The following PCDHA10 variants were observed in gnomAD, a reference collection of about 807,000 sequenced individuals.
PCDHA10 encodes the protein protocadherin alpha-10.
In PCDHA10, 45 loss-of-function variants were observed where a neutral mutation model predicts 61.2. The ratio of observed to expected loss-of-function variants is 0.74; its 90% CI spans 0.58 to 0.94. The LOEUF (loss-of-function observed/expected upper bound fraction) is 0.94. Among genes scored for constraint, PCDHA10 ranks in the 40% least tolerant of loss-of-function variants. The pLI, the probability that PCDHA10 is intolerant of heterozygous loss-of-function variation, is 0.00. For synonymous variants in PCDHA10, 602 were observed against 548.8 expected (o/e 1.10, Z -1.35); for missense variants, 1,278 against 1,236.2 (o/e 1.03, Z -0.51).
intron 1 of PCDHA10, among the ~76,000 whole-genome samples, chr5:140,918,322 A>G (rs538027862): frequency 1.1e-4 from 16 of 152,220 alleles, no homozygotes; most frequent in African/African-American, 2.6e-4. Context: ...GTATAAAATT[A>G]TATTGTCTGC....
intron 1 of PCDHA10, chr5:140,869,294 T>C: frequency 1.9e-6 from 3 of 1,613,634 alleles, no homozygotes; most frequent in Non-Finnish European, 1.7e-6. Flanking sequence ...CAGCGCCTGT[T>C]CCGGGTGGCG....
At chr5:140,948,727 T>C (rs2094298087) in intron 1 of PCDHA10, among the ~76,000 whole-genome samples, 2 of 151,670 alleles carry the variant, frequency 1.3e-5, no homozygotes, top group Admixed American at 1.3e-4. Flanking sequence ...TATCAATAAG[T>C]CTAGCTGAGA....
At chr5:140,869,099 A>G in intron 1 of PCDHA10, 1 of 1,596,446 alleles carries the variant, frequency 6.3e-7, no homozygotes, top group African/African-American at 1.3e-5. Flanking sequence ...CCAATTTCGT[A>G]TGCGATGTTT....
intron 1 of PCDHA10, among the ~76,000 whole-genome samples, chr5:140,960,004 A>C (rs2095521827): frequency 6.6e-6 from 1 of 152,216 alleles, no homozygotes; most frequent in Non-Finnish European, 1.5e-5. Context: ...ATACAAATCT[A>C]TTTTGCATCA....
rs782609302 is a variant in PCDHA10 at position 140,875,595 on chromosome 5, C to T, written c.2388+17159C>T. The T allele has an allele frequency of 6.2e-6, 10 of 1,613,842 alleles. No individual in the cohort carries two copies. The African/African-American group carries it at 8.0e-5, about 13-fold the overall frequency. ...ACTCCGTCTACGAGGAGGCCAAACA[C>T]GGCACCTTCGTGGGCCGCATCGCTC... On this transcript the variant is annotated intron_variant, in intron 1 of 3. Transcript: ENST00000307360.
chr5:140,915,488 C>T (rs2077146969), intron 1 of PCDHA10, among the ~76,000 whole-genome samples: 1 of 152,126 alleles, frequency 6.6e-6, no homozygotes, highest in Non-Finnish European at 1.5e-5. Flanking sequence ...GGGCCTCAAT[C>T]CCAATAATAC....
chr5:140,871,524 G>A (rs1554165700), intron 1 of PCDHA10: 3 of 1,546,672 alleles, frequency 1.9e-6, no homozygotes, highest in Middle Eastern at 1.7e-4. Flanking sequence ...CACCTATCAG[G>A]AAGTGTATGT....
At position 140,982,508 on chromosome 5, in the gene PCDHA10, G is replaced by A. The variant is rs1586930589; in HGVS notation, c.2481G>A (p.Arg827=). The change falls in exon 3 of 4, where the codon CGG becomes CGA. Residue 827 remains arginine, a synonymous_variant. Transcript: ENST00000307360. The part of the protein sequence containing the change: ...SVHLEEAGIL[R]AGPGGPDQQW... The stretch of plus-strand genomic sequence containing the variant: ...ACCTAGAGGAGGCTGGCATTCTACG[G>A]GCTGGTCCAGGAGGGCCTGATCAGC... The A allele has an allele frequency of 6.2e-7, 1 of 1,614,154 alleles. No individual in the cohort carries two copies. Among genetic ancestry groups the A allele is most frequent in the Non-Finnish European group, 8.5e-7 (1 of 1,180,018 alleles).
At chr5:140,993,078 A>G (rs1373767899) in intron 3 of PCDHA10, among the ~76,000 whole-genome samples, 2 of 152,212 alleles carry the variant, frequency 1.3e-5, no homozygotes, top group Non-Finnish European at 2.9e-5. Flanking sequence ...GCAGTCTGCA[A>G]TCAGCAGGGC....
Position 140,856,688 on chromosome 5 carries a change from A to T in PCDHA10, c.640A>T (p.Thr214Ser). The T allele has an allele frequency of 6.3e-7, 1 of 1,597,342 alleles. No homozygotes were observed. Among genetic ancestry groups the T allele is most frequent in the Non-Finnish European group, 8.6e-7 (1 of 1,166,962 alleles). The change falls in exon 1 of 4, where the codon ACT (threonine) becomes TCT (serine). Residue 214 changes from threonine to serine, a missense_variant. Coordinates refer to ENST00000307360, the MANE Select transcript of PCDHA10 (RefSeq NM_018901.4). ...TCAGCTAAAGTTGTTGTTGACAGCA[A>T]CTGATGGAGGCAAACCTGAATTTAC... ...NPQLKLLLTATDGGKPEFTGS... is the reference protein window; with the variant it reads ...NPQLKLLLTASDGGKPEFTGS...
chr5:140,961,236 T>C (rs246004), intron 1 of PCDHA10, among the ~76,000 whole-genome samples: 47,773 of 152,034 alleles, frequency 0.31, 7,861 homozygotes, highest in East Asian at 0.53. Context: ...AAAAAGGTGA[T>C]GGAATTTATC....
At chr5:140,868,965 G>A (rs2050767308) in intron 1 of PCDHA10, 1 of 1,430,146 alleles carries the variant, frequency 7.0e-7, no homozygotes, top group Non-Finnish European at 9.4e-7. Flanking sequence ...CCATACAAAG[G>A]AACTCCATCA....
chr5:140,884,702 T>C (rs1362804646), intron 1 of PCDHA10: 7 of 1,495,380 alleles, frequency 4.7e-6, no homozygotes, highest in East Asian at 4.7e-5. Context: ...GTAAACACTT[T>C]AGCCTTCCTT....
chr5:140,897,312 T>G (rs1367286366), intron 1 of PCDHA10, among the ~76,000 whole-genome samples: 12 of 150,180 alleles, frequency 8.0e-5, no homozygotes, highest in Non-Finnish European at 1.6e-4. Context: ...TAGGTATATC[T>G]CCTAAAGCTA....
chr5:140,857,144 A>G lies in PCDHA10; in HGVS notation c.1096A>G (p.Thr366Ala). The G allele has an allele frequency of 6.3e-7, 1 of 1,598,350 alleles. No homozygotes were observed. Among genetic ancestry groups the G allele is most frequent in the Non-Finnish European group, 8.6e-7 (1 of 1,167,824 alleles). Reference protein sequence around the residue: ...LPVKEDAQVGTVIALISVSDH... With the variant: ...LPVKEDAQVGAVIALISVSDH... ...AGTGAAAGAAGATGCTCAAGTGGGC[A>G]CCGTCATTGCCCTAATCAGCGTTTC... Residue 366 changes from threonine to alanine, a missense_variant, in exon 1 of 4, where the codon ACC becomes GCC. Physicochemically the swap from Thr to Ala is moderately conservative, Grantham distance 58. Transcript: ENST00000307360.
chr5:140,863,469 G>T, intron 1 of PCDHA10: 3 of 498,172 alleles, frequency 6.0e-6, no homozygotes, highest in South Asian at 4.7e-5. Context: ...TTACTCTGGA[G>T]AGTCGCCTCC....
Position 140,858,252 on chromosome 5 carries a change from C to A in PCDHA10, c.2204C>A (p.Pro735His), listed in dbSNP as rs1554151333. The change falls in exon 1 of 4, where the codon CCC becomes CAC. Residue 735 changes from proline to histidine, a missense_variant. Coordinates refer to ENST00000307360, the MANE Select transcript of PCDHA10 (RefSeq NM_018901.4). The stretch of plus-strand genomic sequence containing the variant: ...GAGGGCGCATGTGGGCCGGTGAAGC[C>A]CACGCTGGTGTGCTCTAGCGCGGTG... The part of the protein sequence containing the change: ...PTEGACGPVK[P>H]TLVCSSAVGS... 3 of 1,596,744 alleles carry A rather than the reference C, an allele frequency of 1.9e-6. 1 individual carries two copies. The Admixed American group carries it at 5.1e-5, about 27-fold the overall frequency.
chr5:141,000,158 A>G (rs1313496168), intron 3 of PCDHA10, among the ~76,000 whole-genome samples: 1 of 151,968 alleles, frequency 6.6e-6, no homozygotes, highest in Non-Finnish European at 1.5e-5. Context: ...AACAAAAACT[A>G]TTTGATTATT....
At chr5:140,860,192 C>CATATATATATATATATATATAT (rs143984774) in intron 1 of PCDHA10, 4 of 146,814 alleles carry the variant, frequency 2.7e-5, no homozygotes, top group Admixed American at 6.8e-5. Context: ...GCTCTCCTTA[C>CATATATATATATATATATATAT]ATATATATCT....
Sources: allele counts gnomAD v4.1 joint callset (sites outside exome capture counted in the v4.1 genomes callset), GRCh38; gene constraint gnomAD v4.1.1; transcripts MANE v1.5; gene names NCBI Gene and HGNC (gene_info 2026-07-23, HGNC 2026-07-21).